Variants in CCNB3 observed in about 807,000 individuals in gnomAD.
CCNB3 encodes the protein G2/mitotic-specific cyclin-B3.
Under a neutral mutation model 68.0 loss-of-function variants are expected in CCNB3, and 12 were observed. The ratio of observed to expected loss-of-function variants is 0.18; its 90% CI spans 0.11 to 0.29. The LOEUF (loss-of-function observed/expected upper bound fraction) is 0.29. CCNB3 is among the 10% of genes least tolerant of loss of function. The pLI is 1.00. For synonymous variants in CCNB3, 354 were observed against 388.9 expected, an observed-to-expected ratio of 0.91 and a Z score of 1.06; for missense variants, 904 against 993.1, an observed-to-expected ratio of 0.91 and a Z score of 1.21.
chrX:50,297,548 T>A (rs1171166076), intron 5 of CCNB3, among the ~76,000 whole-genome samples: 3 of 112,388 alleles, frequency 2.7e-5, no homozygotes, highest in Admixed American at 9.5e-5. Flanking sequence ...TAGTATAGTT[T>A]GAAGTCAGGT....
chrX:50,318,769 T>C (rs187060667), intron 8 of CCNB3, among the ~76,000 whole-genome samples: 284 of 111,710 alleles, frequency 2.5e-3, no homozygotes, highest in African/African-American at 9.1e-3. Context: ...CCCACACTGA[T>C]ATAAAACTTC....
rs1469872648 is a variant in CCNB3 at position 50,286,789 on chromosome X, A to C, written c.96+1530A>C. On this transcript the variant is annotated intron_variant, in intron 3 of 12. Transcript: ENST00000376042. ...CTCAGCCTTCTGAGTAGCTGGGACT[A>C]CAGGCATGCGCCACCGCGCCCAGCT... Among the ~76,000 whole-genome samples, 3 of 110,958 alleles carry C rather than the reference A, an allele frequency of 2.7e-5. No homozygotes were observed. In the Admixed American group the frequency reaches 2.9e-4, roughly 11 times the overall value.
At chrX:50,224,023 G>A (rs1935713876) in intron 1 of CCNB3, among the ~76,000 whole-genome samples, 1 of 111,081 alleles carries the variant, frequency 9.0e-6, no homozygotes, top group Non-Finnish European at 1.9e-5. Flanking sequence ...TTTTGTCATT[G>A]GTATTGTCTT....
chrX:50,281,011 C>G (rs1936126818), intron 1 of CCNB3, among the ~76,000 whole-genome samples: 1 of 110,531 alleles, frequency 9.0e-6, no homozygotes, highest in Non-Finnish European at 1.9e-5. Context: ...TCCGCCCCAA[C>G]TCGCTCTCCC....
chrX:50,318,708 T>G (rs1476619764), intron 8 of CCNB3, among the ~76,000 whole-genome samples: 1 of 111,936 alleles, frequency 8.9e-6, no homozygotes, highest in Non-Finnish European at 1.9e-5. Flanking sequence ...AAGGTCTGTT[T>G]GCAAGGTTGG....
At chrX:50,217,549 G>A (rs1313453974) in intron 1 of CCNB3, among the ~76,000 whole-genome samples, 1 of 110,906 alleles carries the variant, frequency 9.0e-6, no homozygotes, top group Non-Finnish European at 1.9e-5. Flanking sequence ...TGGGATTACA[G>A]GCATGAGCCA....
intron 1 of CCNB3, among the ~76,000 whole-genome samples, chrX:50,217,298 G>A (rs1935589489): frequency 1.2e-5 from 1 of 82,375 alleles, no homozygotes; most frequent in African/African-American, 4.6e-5. Context: ...TTTTGAGACG[G>A]AGTCTTGCTC....
chrX:50,291,245 T>C (rs1251759492), intron 4 of CCNB3, among the ~76,000 whole-genome samples: 2 of 112,100 alleles, frequency 1.8e-5, no homozygotes, highest in African/African-American at 6.5e-5. Flanking sequence ...CCTATATCCA[T>C]GTTTGCCTAA....
In CCNB3 at chrX:50,282,599, G is replaced by A. The variant is rs187287366; in HGVS notation, c.-112-1943G>A. Among the ~76,000 whole-genome samples the A allele has an allele frequency of 2.2e-4, 25 of 111,262 alleles. No individual in the cohort carries two copies. The East Asian group carries it at 3.4e-3, about 15-fold the overall frequency. On this transcript the variant is annotated intron_variant, in intron 1 of 12. Transcript: ENST00000376042. ...AGGTGGCAGAAGTTGAGAGTGTTCC[G>A]CAGAGAGTGTCCTTTTATGAAAGGA...
intron 8 of CCNB3, among the ~76,000 whole-genome samples, chrX:50,325,379 G>C (rs1490877281): frequency 9.0e-6 from 1 of 111,664 alleles, no homozygotes; most frequent in Non-Finnish European, 1.9e-5. Flanking sequence ...GTGTGCTCCT[G>C]AGAAAAAAAA....
rs782561925 is a variant in CCNB3, at chrX:50,309,524, A to G, written c.1355A>G (p.Lys452Arg). ...ACTCAGGAGGAGGTTTCCATCTTAA[A>G]GGAGCCCTCGTCCTTGCTAAAGTCT... Reference protein sequence around the residue: ...HTTQEEVSILKEPSSLLKSPT... With the variant: ...HTTQEEVSILREPSSLLKSPT... The change falls in exon 6 of 13, where the codon AAG becomes AGG. Residue 452 changes from lysine to arginine, a missense_variant. Physicochemically the swap from Lys to Arg is conservative, Grantham distance 26. Around this residue, in one of 2 missense-constraint regions of CCNB3, gnomAD observed 619 missense variants for 609.8 expected, o/e 1.02. Transcript: ENST00000376042. 6 of 1,211,680 alleles carry G rather than the reference A, an allele frequency of 5.0e-6. No individual in the cohort carries two copies. In the South Asian group the frequency reaches 8.8e-5, roughly 18 times the overall value.
intron 1 of CCNB3, among the ~76,000 whole-genome samples, chrX:50,279,900 T>C (rs1415253078): frequency 1.2e-5 from 1 of 86,489 alleles, no homozygotes; most frequent in African/African-American, 4.4e-5. Context: ...AAATATATAG[T>C]GTATATATAT....
At chrX:50,214,046 T>C (rs2146978496) in intron 1 of CCNB3, among the ~76,000 whole-genome samples, 1 of 111,341 alleles carries the variant, frequency 9.0e-6, no homozygotes, top group South Asian at 3.8e-4. Flanking sequence ...TGTTGTTGGG[T>C]GTTTTCTTGG....
intron 8 of CCNB3, among the ~76,000 whole-genome samples, chrX:50,338,927 A>G (rs1922988966): frequency 8.9e-6 from 1 of 111,756 alleles, no homozygotes; most frequent in Admixed American, 9.4e-5. Flanking sequence ...GAGCCCTCCA[A>G]ATGTTTCTAT....
chrX:50,228,119 A>G (rs1377128760), intron 1 of CCNB3, among the ~76,000 whole-genome samples: 2 of 90,533 alleles, frequency 2.2e-5, no homozygotes, highest in African/African-American at 8.1e-5. Context: ...ATATATAAAT[A>G]ATATATGAAT....
intron 1 of CCNB3, among the ~76,000 whole-genome samples, chrX:50,222,174 G>C (rs1935684197): frequency 9.0e-6 from 1 of 111,110 alleles, no homozygotes; most frequent in African/African-American, 3.3e-5. Context: ...CACATGTGAT[G>C]GGTTTCCTGA....
chrX:50,286,395 G>C (rs1461073998), intron 3 of CCNB3, among the ~76,000 whole-genome samples: 3 of 110,786 alleles, frequency 2.7e-5, no homozygotes, highest in African/African-American at 9.9e-5. Context: ...CCACCTTCCG[G>C]GTTTAAGCAA....
intron 1 of CCNB3, among the ~76,000 whole-genome samples, chrX:50,283,467 T>TAA (rs1936177588): frequency 9.0e-6 from 1 of 111,636 alleles, no homozygotes; most frequent in African/African-American, 3.3e-5. Flanking sequence ...TGAGGTAACA[T>TAA]GTGAATGCAT....
At chrX:50,290,399 G>A (rs782656037) in intron 4 of CCNB3, among the ~76,000 whole-genome samples, 17 of 111,214 alleles carry the variant, frequency 1.5e-4, no homozygotes, top group African/African-American at 4.3e-4. Flanking sequence ...AAGCTTCCTC[G>A]GGCCTCTTTT....
Sources: gnomAD v4.1 joint callset for allele counts (sites outside exome capture counted in the v4.1 genomes callset) on GRCh38, gnomAD v4.1.1 for gene constraint, gnomAD v4.1.1 regional missense constraint, MANE v1.5 for transcripts, NCBI Gene and HGNC (gene_info 2026-07-23, HGNC 2026-07-21) for gene names.